The following OPRM1 variants were observed in gnomAD, a reference collection of about 807,000 sequenced individuals.
The protein encoded by OPRM1 is mu-type opioid receptor.
OPRM1 carries 27 observed loss-of-function variants against 31.8 expected under a neutral mutation model. The ratio of observed to expected loss-of-function variants is 0.85; its 90% CI spans 0.63 to 1.17. OPRM1 has a LOEUF of 1.17. Among genes scored for constraint, OPRM1 ranks in the 50% most tolerant of loss-of-function variants. The probability of loss-of-function intolerance (pLI) is 0.00; values close to 1 mark genes in which losing one functional copy is unlikely to be tolerated. For missense variants in OPRM1, 536 were observed against 511.1 expected (o/e 1.05, Z -0.47); for synonymous variants, 196 against 189.9 (o/e 1.03, Z -0.26).
chr6:154,062,978 T>C (rs1784689106), intron 1 of OPRM1, among the ~76,000 whole-genome samples: 1 of 152,018 alleles, frequency 6.6e-6, no homozygotes, highest in African/African-American at 2.4e-5. Context: ...CTAAACAGTA[T>C]CCTGACATAT....
At chr6:154,200,085 G>C (rs1338574958) in intron 3 of OPRM1, 2 of 1,513,672 alleles carry the variant, frequency 1.3e-6, no homozygotes, top group East Asian at 2.3e-5. Context: ...AAGACATCAT[G>C]ATTAAACCAT....
intron 1 of OPRM1, among the ~76,000 whole-genome samples, chr6:154,089,399 C>A (rs1383616524): frequency 6.6e-6 from 1 of 152,040 alleles, no homozygotes; most frequent in Non-Finnish European, 1.5e-5. Flanking sequence ...CCACCCTAAG[C>A]AACATGTCAA....
At position 154,087,589 on chromosome 6, in the gene OPRM1, C is replaced by A. The variant is rs575719109; in HGVS notation, c.291-2237C>A. ...TGCGTCTTCTCAGGTGTGGGTCCTG[C>A]AGGAAAACTAATACACTCTTTGTCC... On this transcript the variant is annotated intron_variant, in intron 1 of 3. Transcript: ENST00000330432. The A allele has an allele frequency of 6.1e-6, 6 of 985,350 alleles. No individual in the cohort carries two copies. The South Asian group carries it at 2.3e-4, about 39-fold the overall frequency. 61.0% of individuals were successfully genotyped at this position (985,350 alleles called of 1,614,324 possible).
intron 3 of OPRM1, among the ~76,000 whole-genome samples, chr6:154,222,090 G>A (rs910350604): frequency 5.3e-5 from 8 of 152,150 alleles, no homozygotes; most frequent in African/African-American, 1.7e-4. Context: ...GGTATGGAAC[G>A]TCCACTCTGC....
chr6:154,149,265 G>A (rs930770368), intron 3 of OPRM1, among the ~76,000 whole-genome samples: 2 of 152,156 alleles, frequency 1.3e-5, no homozygotes, highest in Admixed American at 1.3e-4. Flanking sequence ...AGAGAGAAGT[G>A]CAGAGCAAAG....
intron 3 of OPRM1, chr6:154,167,880 C>A (rs1799565092): frequency 4.1e-6 from 6 of 1,457,702 alleles, no homozygotes; most frequent in Non-Finnish European, 5.6e-6. Flanking sequence ...TTCCTTGCCC[C>A]ACATCCATAG....
At chr6:154,167,990 A>T (rs1799571496) in intron 3 of OPRM1, 1 of 1,611,948 alleles carries the variant, frequency 6.2e-7, no homozygotes, top group African/African-American at 1.3e-5. Flanking sequence ...ACACCGCTTA[A>T]CAAAGGATTT....
At chr6:154,142,587 A>G (rs1393337744) in intron 3 of OPRM1, among the ~76,000 whole-genome samples, 1 of 152,128 alleles carries the variant, frequency 6.6e-6, no homozygotes, top group Non-Finnish European at 1.5e-5. Flanking sequence ...AGAATATAAA[A>G]TCCTAGATCC....
At chr6:154,042,539 GCAA>G (rs1562390736) in intron 1 of OPRM1, among the ~76,000 whole-genome samples, 1 of 152,022 alleles carries the variant, frequency 6.6e-6, no homozygotes, top group Admixed American at 6.6e-5. Flanking sequence ...GATGACTATG[GCAA>G]CAACAACAAC....
Position 154,090,004 on chromosome 6 carries a change from A to T in OPRM1, c.469A>T (p.Ile157Leu), listed in dbSNP as rs1791675118. 1.2e-6 allele frequency: 2 copies of T among 1,614,214 alleles called. No individual in the cohort carries two copies. The highest frequency in any genetic ancestry group is 2.7e-5 in the African/African-American group (2 of 75,064). Residue 157 changes from isoleucine (I) to leucine (L), a missense_variant, in exon 2 of 4, where the codon ATA becomes TTA. Ile to Leu is a conservative substitution (Grantham distance 5). Transcript: ENST00000330432. ...SIDYYNMFTS[I>L]FTLCTMSVDR... ...AGATTACTATAACATGTTCACCAGC[A>T]TATTCACCCTCTGCACCATGAGTGT...
intron 3 of OPRM1, among the ~76,000 whole-genome samples, chr6:154,186,609 T>A (rs910274794): frequency 1.3e-5 from 2 of 151,816 alleles, no homozygotes; most frequent in Admixed American, 6.6e-5. Context: ...CAGGCTGGAG[T>A]GCAGTGGTGC....
rs549035770 is a variant in OPRM1 at position 154,017,373 on chromosome 6, G to A, written c.-1+6355G>A. Among the ~76,000 whole-genome samples the A allele has an allele frequency of 3.5e-4, 53 of 152,252 alleles. 1 individual carries two copies. Among genetic ancestry groups the A allele is most frequent in the Admixed American group, 1.2e-3 (19 of 15,288 alleles). Reference sequence around the variant, plus strand: ...ATGGTCACAGTGCGTTTTGCCATGCGTATCAATCCAGGTATTTATGATGGA... The same window carrying A: ...ATGGTCACAGTGCGTTTTGCCATGCATATCAATCCAGGTATTTATGATGGA... On this transcript the variant is annotated intron_variant, in intron 1 of 5. Transcript: ENST00000434900.
intron 1 of OPRM1, among the ~76,000 whole-genome samples, chr6:154,044,127 G>C (rs1780632080): frequency 6.6e-6 from 1 of 152,128 alleles, no homozygotes; most frequent in Non-Finnish European, 1.5e-5. Flanking sequence ...GATAGAGAGA[G>C]AGAGAGAGAG....
Position 154,122,328 on chromosome 6 carries a change from A to G in OPRM1, c.*3607A>G, listed in dbSNP as rs1009387877. ...AGATTCTTGCCTGGATTCTCAACAT[A>G]AGTCTTTACTCACAGGCCTATTGCT... On this transcript the variant is annotated 3_prime_UTR_variant, in exon 4 of 4. Coordinates refer to ENST00000330432, the MANE Select transcript of OPRM1 (RefSeq NM_000914.5). 9.2e-5 allele frequency among the ~76,000 whole-genome samples: 14 copies of G among 152,156 alleles called. No individual in the cohort carries two copies. Among genetic ancestry groups the G allele is most frequent in the African/African-American group, 3.4e-4 (14 of 41,460 alleles).
intron 1 of OPRM1, among the ~76,000 whole-genome samples, chr6:154,069,707 A>G (rs1786237705): frequency 6.6e-6 from 1 of 152,116 alleles, no homozygotes; most frequent in African/African-American, 2.4e-5. Context: ...GTCTCATTTT[A>G]TTCTGCTGCA....
At chr6:154,070,493 G>A (rs1222589805) in intron 1 of OPRM1, among the ~76,000 whole-genome samples, 1 of 152,192 alleles carries the variant, frequency 6.6e-6, no homozygotes, top group Non-Finnish European at 1.5e-5. Context: ...TGAAGATCAA[G>A]TAAGAAAAAT....
intron 1 of OPRM1, among the ~76,000 whole-genome samples, chr6:154,017,979 C>T (rs567312425): frequency 7.5e-4 from 114 of 152,298 alleles, no homozygotes; most frequent in African/African-American, 2.6e-3. Context: ...AGGCACTGAA[C>T]TCTTCACCAT....
intron 1 of OPRM1, among the ~76,000 whole-genome samples, chr6:154,079,117 C>T (rs1381021351): frequency 1.3e-5 from 2 of 152,158 alleles, no homozygotes; most frequent in African/African-American, 2.4e-5. Context: ...CATTCCCTCA[C>T]TCCAGGAAAA....
At chr6:154,200,068 A>T (rs755157472) in intron 3 of OPRM1, 4 of 1,557,676 alleles carry the variant, frequency 2.6e-6, no homozygotes, top group South Asian at 2.5e-5. Context: ...AACCAAAAAA[A>T]GAATAAAAGA....
Sources: allele counts gnomAD v4.1 joint callset (sites outside exome capture counted in the v4.1 genomes callset), GRCh38; gene constraint gnomAD v4.1.1; transcripts MANE v1.5; gene names NCBI Gene and HGNC (gene_info 2026-07-23, HGNC 2026-07-21).